The following CHD9 variants were observed in gnomAD, a reference collection of about 807,000 sequenced individuals.
CHD9 encodes chromodomain helicase DNA binding protein 9, also known as ATP-dependent chromatin remodeler CHD9.
Under a neutral mutation model 316.1 loss-of-function variants are expected in CHD9, and 77 were observed. That is an observed-to-expected ratio of 0.24 (90% confidence interval 0.20 to 0.29). The LOEUF is 0.29. CHD9 is among the 10% of genes least tolerant of loss of function. CHD9 has a pLI of 1.00. For synonymous variants in CHD9, 1,129 were observed against 1,158.3 expected, an observed-to-expected ratio of 0.97 and a Z score of 0.51; for missense variants, 2,763 against 3,438.1, an observed-to-expected ratio of 0.80 and a Z score of 4.91.
chr16:53,203,514 C>T (rs147048443), intron 2 of CHD9, among the ~76,000 whole-genome samples: 1 of 152,150 alleles, frequency 6.6e-6, no homozygotes, highest in Non-Finnish European at 1.5e-5. Flanking sequence ...TTGCTCAAGG[C>T]TTGCTATCTT....
chr16:53,225,594 TTTAAAAATTATC>T (rs1416866539), intron 4 of CHD9, among the ~76,000 whole-genome samples: 2 of 152,142 alleles, frequency 1.3e-5, no homozygotes, highest in African/African-American at 4.8e-5. Context: ...ACTTAGATTA[TTTAAAAATTATC>T]TTACTACATG....
intron 36 of CHD9, among the ~76,000 whole-genome samples, chr16:53,315,590 C>T (rs1302252536): frequency 6.6e-6 from 1 of 152,038 alleles, no homozygotes; most frequent in African/African-American, 2.4e-5. Context: ...GCGATTCTCC[C>T]ACCTCAGTCT....
At chr16:53,074,909 G>A (rs2034394062) in intron 1 of CHD9, among the ~76,000 whole-genome samples, 1 of 152,150 alleles carries the variant, frequency 6.6e-6, no homozygotes, top group Admixed American at 6.5e-5. Context: ...TGTGAGAAGA[G>A]GGCCACCATC....
At position 53,164,660 on chromosome 16, in the gene CHD9, G is replaced by A. The variant is rs183501379; in HGVS notation, c.1452+7119G>A. Among the ~76,000 whole-genome samples the A allele has an allele frequency of 5.4e-3, 822 of 151,120 alleles. 7 individuals are homozygous for A. Among genetic ancestry groups the A allele is most frequent in the African/African-American group, 0.019 (783 of 41,226 alleles). On this transcript the variant is annotated intron_variant, in intron 2 of 38. Transcript: ENST00000447540. ...TTTTTTTTGGAGGGGGGGGTTTGTT[G>A]TTGTTGTTTTTGAGACAGAGTCTTG...
chr16:53,155,517 TC>T (rs534212178), intron 1 of CHD9, among the ~76,000 whole-genome samples: 113 of 152,354 alleles, frequency 7.4e-4, no homozygotes, highest in African/African-American at 2.6e-3. Context: ...TAATTTTTAT[TC>T]TTAAAGTAGC....
At chr16:53,261,824 A>C (rs8051655) in intron 19 of CHD9, among the ~76,000 whole-genome samples, 7 of 152,142 alleles carry the variant, frequency 4.6e-5, no homozygotes, top group Non-Finnish European at 1.0e-4. Flanking sequence ...ACATGTTTCC[A>C]TATGTATCAT....
chr16:53,306,417 T>C lies in CHD9; in HGVS notation c.6780+20T>C, dbSNP rs774581273. On this transcript the variant is annotated intron_variant, in intron 32 of 38. Coordinates refer to ENST00000447540, the MANE Select transcript of CHD9 (RefSeq NM_001308319.2). ...CCAAAGGTAAAGAAATAATTTCTTA[T>C]TGGGATAGGTCATTTTTTAGTATTT... 2.6e-6 allele frequency: 4 copies of C among 1,546,642 alleles called. No individual in the cohort carries two copies. The highest frequency in any genetic ancestry group is 1.4e-5 in the African/African-American group (1 of 71,118).
chr16:53,263,088 C>T lies in CHD9; in HGVS notation c.4311C>T (p.Ile1437=), dbSNP rs759943015. Residue 1437 remains isoleucine (I), a synonymous_variant, in exon 20 of 39, where the codon ATC becomes ATT. Coordinates refer to ENST00000447540, the MANE Select transcript of CHD9 (RefSeq NM_001308319.2). ...AGGCAGAAATAGATATAGAGGCCAT[C>T]AGTGGCAGAGTAAGTATTTTTATCC... ...AKKAEIDIEA[I]SGRNSLVIDT... 39 of 1,609,326 alleles carry T rather than the reference C, an allele frequency of 2.4e-5. No individual in the cohort carries two copies. In the South Asian group the frequency reaches 2.7e-4, roughly 11 times the overall value.
At chr16:53,155,715 A>C (rs1027217856) in intron 1 of CHD9, among the ~76,000 whole-genome samples, 5 of 151,990 alleles carry the variant, frequency 3.3e-5, no homozygotes, top group Admixed American at 2.0e-4. Flanking sequence ...CTACCCACCC[A>C]CCATGCCACC....
intron 2 of CHD9, among the ~76,000 whole-genome samples, chr16:53,175,999 T>A (rs909739120): frequency 6.6e-6 from 1 of 152,230 alleles, no homozygotes; most frequent in African/African-American, 2.4e-5. Flanking sequence ...ATATTGAAGC[T>A]GGAAGGAACC....
At chr16:53,292,041 A>G (rs949721380) in intron 28 of CHD9, among the ~76,000 whole-genome samples, 2 of 152,322 alleles carry the variant, frequency 1.3e-5, no homozygotes, top group Middle Eastern at 3.4e-3. Flanking sequence ...AGATTTCATC[A>G]TTAAAGTGTT....
At chr16:53,251,763 C>G (rs1160906171) in intron 17 of CHD9, among the ~76,000 whole-genome samples, 1 of 152,164 alleles carries the variant, frequency 6.6e-6, no homozygotes, top group African/African-American at 2.4e-5. Flanking sequence ...TATGTGATCT[C>G]TGATGTCTCC....
intron 3 of CHD9, among the ~76,000 whole-genome samples, chr16:53,213,462 GA>G (rs1443906853): frequency 6.6e-6 from 1 of 152,186 alleles, no homozygotes; most frequent in African/African-American, 2.4e-5. Context: ...AATTTTATGG[GA>G]TGGATGGATG....
chr16:53,092,377 A>G (rs2036018025), intron 1 of CHD9, among the ~76,000 whole-genome samples: 1 of 152,186 alleles, frequency 6.6e-6, no homozygotes, highest in South Asian at 2.1e-4. Flanking sequence ...AAATATGCAA[A>G]CATAAAAGAA....
rs543757119 is a variant in CHD9 at position 53,258,837 on chromosome 16, T to G, written c.4209+3058T>G. 2.0e-5 allele frequency among the ~76,000 whole-genome samples: 3 copies of G among 152,252 alleles called. No homozygotes were observed. The South Asian group carries it at 6.2e-4, about 32-fold the overall frequency. ...AGGTGGGTCCTAGAAAAAGAAACGTTTCTAGTCTGATTTTTAAAAATTTGA... is the reference window on the plus strand; with the variant it reads ...AGGTGGGTCCTAGAAAAAGAAACGTGTCTAGTCTGATTTTTAAAAATTTGA... On this transcript the variant is annotated intron_variant, in intron 19 of 38. Coordinates refer to ENST00000447540, the MANE Select transcript of CHD9 (RefSeq NM_001308319.2).
chr16:53,111,171 C>G (rs1055613875), intron 1 of CHD9, among the ~76,000 whole-genome samples: 4 of 152,160 alleles, frequency 2.6e-5, no homozygotes, highest in African/African-American at 7.2e-5. Context: ...CCCTCAGCCA[C>G]TCCAGCTTTA....
chr16:53,198,251 T>C (rs187044106), intron 2 of CHD9, among the ~76,000 whole-genome samples: 50 of 152,126 alleles, frequency 3.3e-4, no homozygotes, highest in African/African-American at 1.1e-3. Context: ...ATAAATTTCT[T>C]TCTGAGAGAC....
At chr16:53,200,976 A>G (rs569078366) in intron 2 of CHD9, among the ~76,000 whole-genome samples, 11 of 152,328 alleles carry the variant, frequency 7.2e-5, no homozygotes, top group East Asian at 3.9e-4. Flanking sequence ...AGCATTATCT[A>G]TTAGGTTTCA....
chr16:53,183,556 T>C (rs530814633), intron 2 of CHD9, among the ~76,000 whole-genome samples: 21 of 152,348 alleles, frequency 1.4e-4, no homozygotes, highest in South Asian at 1.0e-3. Flanking sequence ...AAAAATGTTA[T>C]ATAATTAAAC....
Sources: gnomAD v4.1 joint callset for allele counts (sites outside exome capture counted in the v4.1 genomes callset) on GRCh38, gnomAD v4.1.1 for gene constraint, MANE v1.5 for transcripts, NCBI Gene and HGNC (gene_info 2026-07-23, HGNC 2026-07-21) for gene names.